Variants in ABCB7 observed in about 807,000 individuals in gnomAD.
The protein encoded by ABCB7 is iron-sulfur clusters transporter ABCB7, mitochondrial.
Under a neutral mutation model 54.4 loss-of-function variants are expected in ABCB7, and 7 were observed. That is an observed-to-expected ratio of 0.13 (90% CI 0.07 to 0.24). The LOEUF (loss-of-function observed/expected upper bound fraction) is 0.24. Ranked by LOEUF, ABCB7 falls within the 10% of genes least tolerant of loss-of-function variation. The probability of loss-of-function intolerance (pLI) is 1.00; values close to 1 mark genes in which losing one functional copy is unlikely to be tolerated. For missense variants in ABCB7, 356 were observed against 570.4 expected (o/e 0.62, Z 3.83); for synonymous variants, 218 against 207.1 (o/e 1.05, Z -0.45).
rs748936726 is a variant in ABCB7 at position 75,053,347 on chromosome X, A to C, written c.*23T>G. On this transcript the variant is annotated 3_prime_UTR_variant, in exon 16 of 16. Coordinates refer to ENST00000373394, the MANE Select transcript of ABCB7 (RefSeq NM_001271696.3). ...GCAAATATGTAGTCCAAAACAACAA[A>C]AAAAGAAAATGTCTTATGTGACTTA... 3 of 1,209,233 alleles carry C rather than the reference A, an allele frequency of 2.5e-6. No homozygotes were observed. The African/African-American group carries it at 5.2e-5, about 21-fold the overall frequency.
intron 1 of ABCB7, among the ~76,000 whole-genome samples, chrX:75,124,017 TAA>T (rs2081903928): frequency 8.9e-6 from 1 of 111,991 alleles, no homozygotes; most frequent in African/African-American, 3.2e-5. Context: ...TTCCAACCAT[TAA>T]AAAATGTTTT....
At chrX:75,077,050 T>C (rs1227372642) in intron 4 of ABCB7, among the ~76,000 whole-genome samples, 4 of 112,152 alleles carry the variant, frequency 3.6e-5, no homozygotes, top group South Asian at 7.4e-4. Flanking sequence ...CTTGAGGGTC[T>C]GTGTCATTTT....
At chrX:75,120,898 T>C (rs1302574614) in intron 1 of ABCB7, among the ~76,000 whole-genome samples, 2 of 110,681 alleles carry the variant, frequency 1.8e-5, no homozygotes, top group Non-Finnish European at 3.8e-5. Flanking sequence ...AAACAACTGA[T>C]AGGCATTTGA....
At position 75,076,547 on chromosome X, in the gene ABCB7, G is replaced by A. The variant is rs778455254; in HGVS notation, c.561C>T (p.Thr187=). ...NLSDAPNTVA[T]MATAVLIGYG... is the part of the protein sequence containing the mutation. Reference sequence around the variant, plus strand: ...AGCCAATCAGAACTGCTGTTGCCATGGTTGCAACTGTATTTGGTGCATCAC... The same window carrying A: ...AGCCAATCAGAACTGCTGTTGCCATAGTTGCAACTGTATTTGGTGCATCAC... Residue 187 remains threonine, a synonymous_variant, in exon 5 of 16, where the codon ACC becomes ACT. Transcript: ENST00000373394. 3 of 1,209,288 alleles carry A rather than the reference G, an allele frequency of 2.5e-6. No individual in the cohort carries two copies. In the African/African-American group the frequency reaches 5.2e-5, roughly 21 times the overall value.
chrX:75,155,910 C>T (rs2082171558), intron 1 of ABCB7, among the ~76,000 whole-genome samples, 195 bp downstream of exon 1: 1 of 111,317 alleles, frequency 9.0e-6, no homozygotes, highest in Non-Finnish European at 1.9e-5. Context: ...CCCCGTTTCC[C>T]TTTGCTGAAC....
intron 1 of ABCB7, among the ~76,000 whole-genome samples, chrX:75,152,330 G>C (rs1470852180): frequency 1.8e-5 from 2 of 111,312 alleles, no homozygotes; most frequent in Non-Finnish European, 3.8e-5. Flanking sequence ...CCTTATAAGA[G>C]GGGCCAAAGA....
intron 4 of ABCB7, among the ~76,000 whole-genome samples, chrX:75,089,133 C>T: frequency 9.0e-6 from 1 of 110,884 alleles, no homozygotes. Flanking sequence ...TCTACAAAAG[C>T]AAAAATTGAG....
At chrX:75,054,128 T>C (rs900293348) in intron 15 of ABCB7, among the ~76,000 whole-genome samples, 7 of 112,418 alleles carry the variant, frequency 6.2e-5, no homozygotes, top group Admixed American at 1.9e-4. Flanking sequence ...TTTGGTGGTA[T>C]AGATTCCAAA....
intron 1 of ABCB7, among the ~76,000 whole-genome samples, chrX:75,155,796 C>A (rs2082170652): frequency 9.0e-6 from 1 of 111,124 alleles, no homozygotes; most frequent in South Asian, 3.9e-4. Context: ...TTTAGAAAGG[C>A]AAGCAGGCTG....
chrX:75,072,366 T>C (rs1223816635), intron 8 of ABCB7, among the ~76,000 whole-genome samples: 1 of 111,633 alleles, frequency 9.0e-6, no homozygotes, highest in Non-Finnish European at 1.9e-5. Context: ...TAGGTAATTT[T>C]GACTGTGCAA....
At chrX:75,075,170 TAAC>T (rs751029923) in intron 6 of ABCB7, among the ~76,000 whole-genome samples, 189 bp downstream of exon 6, 2 of 111,809 alleles carry the variant, frequency 1.8e-5, no homozygotes, top group South Asian at 7.5e-4. Context: ...TTATTTACAA[TAAC>T]AACACGATAA....
chrX:75,118,701 T>A (rs745371004), intron 1 of ABCB7, among the ~76,000 whole-genome samples: 120 of 111,702 alleles, frequency 1.1e-3, no homozygotes, highest in African/African-American at 3.8e-3. Context: ...ATAGGAAATA[T>A]ACTTTTGAGG....
At chrX:75,088,519 C>T (rs764339545) in intron 4 of ABCB7, among the ~76,000 whole-genome samples, 3 of 111,790 alleles carry the variant, frequency 2.7e-5, no homozygotes, top group Non-Finnish European at 5.7e-5. Flanking sequence ...AAATGAAGAA[C>T]GTCTTTGATA....
At chrX:75,101,411 A>G (rs941417876) in intron 3 of ABCB7, among the ~76,000 whole-genome samples, 3 of 110,622 alleles carry the variant, frequency 2.7e-5, no homozygotes, top group African/African-American at 9.8e-5. Context: ...AGTTTATCGC[A>G]TAAAGAGTAT....
chrX:75,110,866 G>T (rs1032743049), intron 3 of ABCB7, among the ~76,000 whole-genome samples: 1 of 111,778 alleles, frequency 8.9e-6, no homozygotes. Flanking sequence ...AACCCTTTAT[G>T]ATCCCATGCT....
At chrX:75,058,382 C>T (rs1331784148) in intron 15 of ABCB7, among the ~76,000 whole-genome samples, 1 of 111,477 alleles carries the variant, frequency 9.0e-6, no homozygotes, top group East Asian at 2.8e-4. Context: ...TTTATTTCTT[C>T]ACTTTCATTT....
rs774263405 is a variant in ABCB7, at chrX:75,136,707, G to A, written c.168+19398C>T. Among the ~76,000 whole-genome samples, 7 of 111,683 alleles carry A rather than the reference G, an allele frequency of 6.3e-5. No individual in the cohort carries two copies. In the East Asian group the frequency reaches 1.4e-3, roughly 23 times the overall value. On this transcript the variant is annotated intron_variant, in intron 1 of 15. Coordinates refer to ENST00000373394, the MANE Select transcript of ABCB7 (RefSeq NM_001271696.3). ...AACAGACAGACTGACCATTGGAACAGGTTAGAGGACCCAGAAATAAAGCTG... is the reference window on the plus strand; with the variant it reads ...AACAGACAGACTGACCATTGGAACAAGTTAGAGGACCCAGAAATAAAGCTG...
chrX:75,125,744 T>C (rs2081920630), intron 1 of ABCB7, among the ~76,000 whole-genome samples: 1 of 111,170 alleles, frequency 9.0e-6, no homozygotes, highest in Non-Finnish European at 1.9e-5. Context: ...AATCCAACTG[T>C]GTATTTCTGA....
At chrX:75,130,853 A>G (rs1429096595) in intron 1 of ABCB7, among the ~76,000 whole-genome samples, 1 of 111,918 alleles carries the variant, frequency 8.9e-6, no homozygotes, top group Non-Finnish European at 1.9e-5. Context: ...AAAGCAACAC[A>G]AAAGTGTACA....
Sources: allele counts gnomAD v4.1 joint callset (sites outside exome capture counted in the v4.1 genomes callset), GRCh38; gene constraint gnomAD v4.1.1; transcripts MANE v1.5; gene names NCBI Gene and HGNC (gene_info 2026-07-23, HGNC 2026-07-21).